Variants in CACNG2 observed in about 807,000 individuals in gnomAD.
CACNG2 encodes the protein voltage-dependent calcium channel gamma-2 subunit.
In CACNG2, 3 loss-of-function variants were observed where a neutral mutation model predicts 25.9. The observed-to-expected ratio is 0.12, with a 90% confidence interval of 0.05 to 0.30. The LOEUF is 0.30. Ranked by LOEUF, CACNG2 falls within the 10% of genes least tolerant of loss-of-function variation. The probability of loss-of-function intolerance (pLI) is 1.00; values close to 1 mark genes in which losing one functional copy is unlikely to be tolerated. For synonymous variants in CACNG2, 167 were observed against 173.3 expected, an observed-to-expected ratio of 0.96 and a Z score of 0.29; for missense variants, 341 against 432.5, an observed-to-expected ratio of 0.79 and a Z score of 1.88.
chr22:36,590,662 T>C (rs760485649), intron 1 of CACNG2, among the ~76,000 whole-genome samples: 65 of 152,300 alleles, frequency 4.3e-4, no homozygotes, highest in Non-Finnish European at 7.6e-4. Flanking sequence ...CACCCACTCT[T>C]ATCCTTCTCT....
At chr22:36,648,635 C>A (rs767773935) in intron 1 of CACNG2, among the ~76,000 whole-genome samples, 3 of 152,242 alleles carry the variant, frequency 2.0e-5, no homozygotes. Flanking sequence ...ATCCATTCAT[C>A]ACTTCCAGCT....
chr22:36,608,642 C>G (rs975387765), intron 1 of CACNG2, among the ~76,000 whole-genome samples: 1 of 151,534 alleles, frequency 6.6e-6, no homozygotes, highest in South Asian at 2.1e-4. Flanking sequence ...AATAGGGACT[C>G]AGGACTGATG....
intron 2 of CACNG2, 78 bp from the exon 3 acceptor site, chr22:36,566,571 C>A: frequency 6.6e-7 from 1 of 1,514,896 alleles, no homozygotes; most frequent in Non-Finnish European, 9.1e-7. Flanking sequence ...GGTGGGAGAG[C>A]AGCCCCGAGG....
At chr22:36,614,354 T>C (rs1935992148) in intron 1 of CACNG2, among the ~76,000 whole-genome samples, 1 of 152,030 alleles carries the variant, frequency 6.6e-6, no homozygotes, top group South Asian at 2.1e-4. Flanking sequence ...ACACATCATT[T>C]CCTTGAGGAA....
chr22:36,691,375 C>A (rs899577922), intron 1 of CACNG2, among the ~76,000 whole-genome samples: 1 of 152,120 alleles, frequency 6.6e-6, no homozygotes, highest in East Asian at 1.9e-4. Context: ...GATGTCCTTG[C>A]ATTTTGAGGG....
intron 1 of CACNG2, among the ~76,000 whole-genome samples, chr22:36,649,994 C>T (rs1936582486): frequency 6.6e-6 from 1 of 152,204 alleles, no homozygotes; most frequent in African/African-American, 2.4e-5. Flanking sequence ...GAACCACTGT[C>T]CACTTCTCAC....
intron 1 of CACNG2, among the ~76,000 whole-genome samples, chr22:36,665,564 A>G (rs551889806): frequency 4.7e-4 from 72 of 152,334 alleles, no homozygotes; most frequent in Non-Finnish European, 9.6e-4. Flanking sequence ...TTGAACAGAC[A>G]TTTTTCCAAG....
chr22:36,636,750 A>G (rs1348269287), intron 1 of CACNG2, among the ~76,000 whole-genome samples: 1 of 152,238 alleles, frequency 6.6e-6, no homozygotes, highest in Non-Finnish European at 1.5e-5. Flanking sequence ...AATGTCTTCT[A>G]TTTCCTTGAG....
At chr22:36,650,293 G>C (rs1196958597) in intron 1 of CACNG2, among the ~76,000 whole-genome samples, 1 of 152,022 alleles carries the variant, frequency 6.6e-6, no homozygotes, top group African/African-American at 2.4e-5. Flanking sequence ...CCTTCACCCT[G>C]ATACCTCATT....
At chr22:36,644,655 T>C (rs1936491432) in intron 1 of CACNG2, among the ~76,000 whole-genome samples, 1 of 152,212 alleles carries the variant, frequency 6.6e-6, no homozygotes, top group African/African-American at 2.4e-5. Context: ...TTCTTAAACT[T>C]TCTATGCCTC....
At chr22:36,674,797 G>A (rs762711572) in intron 1 of CACNG2, among the ~76,000 whole-genome samples, 2 of 152,176 alleles carry the variant, frequency 1.3e-5, no homozygotes, top group Non-Finnish European at 2.9e-5. Context: ...GGTGCACAGT[G>A]GGCACCTGAG....
intron 1 of CACNG2, among the ~76,000 whole-genome samples, chr22:36,679,265 A>T (rs1354918978): frequency 7.1e-6 from 1 of 140,064 alleles, no homozygotes; most frequent in African/African-American, 2.9e-5. Flanking sequence ...AAAAAAGGAC[A>T]TGTGATGAGT....
At chr22:36,612,883 G>A (rs1406638256) in intron 1 of CACNG2, among the ~76,000 whole-genome samples, 1 of 152,156 alleles carries the variant, frequency 6.6e-6, no homozygotes, top group Admixed American at 6.5e-5. Context: ...CCGGCTGCAG[G>A]TATTTCATCC....
intron 1 of CACNG2, among the ~76,000 whole-genome samples, chr22:36,647,830 T>C (rs1936550944): frequency 6.6e-6 from 1 of 152,044 alleles, no homozygotes; most frequent in African/African-American, 2.4e-5. Flanking sequence ...GCTCCCTGTG[T>C]TTTTCCTTCA....
At chr22:36,593,015 G>A (rs1208401531) in intron 1 of CACNG2, among the ~76,000 whole-genome samples, 3 of 152,164 alleles carry the variant, frequency 2.0e-5, no homozygotes, top group Admixed American at 2.0e-4. Flanking sequence ...CTTGGGGCGG[G>A]CCTTGGAGTT....
rs986905612 is a variant in CACNG2 at position 36,563,631 on chromosome 22, G to A, written c.*720C>T. Among the ~76,000 whole-genome samples, 4 of 151,948 alleles carry A rather than the reference G, an allele frequency of 2.6e-5. No homozygotes were observed. The highest frequency in any genetic ancestry group is 2.6e-4 in the Admixed American group (4 of 15,276). Reference sequence around the variant, plus strand: ...GGAGGGACAAGGGCTCGGTCACCTGGAGGCCTACGATTGCCCCATCAATGC... The same window carrying A: ...GGAGGGACAAGGGCTCGGTCACCTGAAGGCCTACGATTGCCCCATCAATGC... On this transcript the variant is annotated 3_prime_UTR_variant, in exon 4 of 4. Coordinates refer to ENST00000300105, the MANE Select transcript of CACNG2 (RefSeq NM_006078.5).
intron 1 of CACNG2, among the ~76,000 whole-genome samples, chr22:36,665,914 A>G (rs1936868192): frequency 6.6e-6 from 1 of 152,250 alleles, no homozygotes; most frequent in African/African-American, 2.4e-5. Flanking sequence ...AGATATTTGT[A>G]TAGCTATGTT....
Position 36,564,613 on chromosome 22 carries a change from C to A in CACNG2, c.710G>T (p.Ser237Ile). ...PSYRYRYQRR[S>I]RSSSRSTEPS... Reference sequence around the variant, plus strand: ...CTCCGTGGAGCGCGAGCTGGAGCGGCTGCGGCGCTGGTAGCGGTAGCGGTA... The same window carrying A: ...CTCCGTGGAGCGCGAGCTGGAGCGGATGCGGCGCTGGTAGCGGTAGCGGTA... Residue 237 changes from serine to isoleucine, a missense_variant, in exon 4 of 4, where the codon AGC becomes ATC. Coordinates refer to ENST00000300105, the MANE Select transcript of CACNG2 (RefSeq NM_006078.5). The surrounding 1 kb of genome is among the most constrained non-coding windows in gnomAD (Gnocchi z 6.7). 2 of 1,613,892 alleles carry A rather than the reference C, an allele frequency of 1.2e-6. No individual in the cohort carries two copies. Among genetic ancestry groups the A allele is most frequent in the Non-Finnish European group, 1.7e-6 (2 of 1,179,954 alleles).
chr22:36,587,938 G>A lies in CACNG2; in HGVS notation c.212-390C>T, dbSNP rs191027605. On this transcript the variant is annotated intron_variant, in intron 1 of 3. Coordinates refer to ENST00000300105, the MANE Select transcript of CACNG2 (RefSeq NM_006078.5). ...GAGTCATCCTGCATTTTACATGTGA[G>A]AAAGTAGCAGATCACTTTCTAAAGG... Among the ~76,000 whole-genome samples the A allele has an allele frequency of 2.1e-4, 32 of 152,370 alleles. No individual in the cohort carries two copies. The East Asian group carries it at 5.8e-3, about 28-fold the overall frequency.
Sources: gnomAD v4.1 joint callset for allele counts (sites outside exome capture counted in the v4.1 genomes callset) on GRCh38, gnomAD v4.1.1 for gene constraint, Gnocchi (gnomAD v3.1) non-coding constraint, MANE v1.5 for transcripts, NCBI Gene and HGNC (gene_info 2026-07-23, HGNC 2026-07-21) for gene names.